Variants in PPM1E observed in about 807,000 individuals in gnomAD.
PPM1E encodes protein phosphatase 1E.
Under a neutral mutation model 65.9 loss-of-function variants are expected in PPM1E, and 20 were observed. The ratio of observed to expected loss-of-function variants is 0.30; its 90% CI spans 0.21 to 0.44. The LOEUF (loss-of-function observed/expected upper bound fraction) is 0.44. PPM1E is among the 20% of genes least tolerant of loss of function. The probability of loss-of-function intolerance (pLI) is 1.00; values close to 1 mark genes in which losing one functional copy is unlikely to be tolerated. For synonymous variants in PPM1E, 352 were observed against 374.9 expected (o/e 0.94, Z 0.70); for missense variants, 713 against 953.1 (o/e 0.75, Z 3.32).
At chr17:58,942,868 A>T (rs1297935880) in intron 1 of PPM1E, among the ~76,000 whole-genome samples, 1 of 152,012 alleles carries the variant, frequency 6.6e-6, no homozygotes, top group African/African-American at 2.4e-5. Context: ...TCTTAAAAAG[A>T]TACTCAATTC....
At chr17:58,924,333 G>A (rs930270844) in intron 1 of PPM1E, among the ~76,000 whole-genome samples, 3 of 152,044 alleles carry the variant, frequency 2.0e-5, no homozygotes, top group African/African-American at 7.2e-5. Context: ...GGAAAAATTA[G>A]GTATACCAAA....
chr17:58,905,018 C>G (rs1429710207), intron 1 of PPM1E, among the ~76,000 whole-genome samples: 1 of 151,028 alleles, frequency 6.6e-6, no homozygotes, highest in Non-Finnish European at 1.5e-5. Context: ...GAGTGAAACT[C>G]CATCTCAAAA....
At chr17:58,955,473 C>A in intron 1 of PPM1E, 176 bp from the exon 2 acceptor site, 1 of 698,500 alleles carries the variant, frequency 1.4e-6, no homozygotes, top group Non-Finnish European at 2.5e-6. Flanking sequence ...CTGTGTTATG[C>A]ATCAATATAT....
chr17:58,772,907 G>A (rs946645367), intron 1 of PPM1E, among the ~76,000 whole-genome samples: 4 of 151,610 alleles, frequency 2.6e-5, no homozygotes, highest in Non-Finnish European at 4.4e-5. Flanking sequence ...AAAATCTTCC[G>A]CCCTGTAGTT....
chr17:58,915,956 A>G (rs941637464), intron 1 of PPM1E, among the ~76,000 whole-genome samples: 4 of 152,166 alleles, frequency 2.6e-5, no homozygotes, highest in African/African-American at 9.7e-5. Flanking sequence ...ATCTTTACCT[A>G]TGTCTACTAT....
chr17:58,862,405 C>T (rs2050951888), intron 1 of PPM1E, among the ~76,000 whole-genome samples: 1 of 151,974 alleles, frequency 6.6e-6, no homozygotes, highest in Admixed American at 6.6e-5. Context: ...GATGAGTACC[C>T]CTGTTGCTAT....
At chr17:58,955,804 A>G (rs371608751) in intron 2 of PPM1E, 37 bp downstream of exon 2, 17 of 1,553,950 alleles carry the variant, frequency 1.1e-5, no homozygotes, top group Non-Finnish European at 1.5e-5. Flanking sequence ...TAAAAATACT[A>G]GAATCTTCTA....
At chr17:58,904,142 A>G (rs2051528163) in intron 1 of PPM1E, among the ~76,000 whole-genome samples, 1 of 152,192 alleles carries the variant, frequency 6.6e-6, no homozygotes, top group Non-Finnish European at 1.5e-5. Flanking sequence ...TAATTATGAC[A>G]TAATAAATAA....
At chr17:58,828,389 C>T (rs990403646) in intron 1 of PPM1E, among the ~76,000 whole-genome samples, 1 of 152,122 alleles carries the variant, frequency 6.6e-6, no homozygotes, top group Non-Finnish European at 1.5e-5. Context: ...CTTTTTCTCT[C>T]TCTTCCTCTC....
chr17:58,911,508 C>A (rs1341847707), intron 1 of PPM1E, among the ~76,000 whole-genome samples: 1 of 152,060 alleles, frequency 6.6e-6, no homozygotes, highest in East Asian at 1.9e-4. Context: ...ATCATGATTT[C>A]AAAGGGTCAG....
chr17:58,936,149 G>C (rs1354297743), intron 1 of PPM1E, among the ~76,000 whole-genome samples: 4 of 151,994 alleles, frequency 2.6e-5, no homozygotes, highest in African/African-American at 9.7e-5. Context: ...TTGACTCCAC[G>C]TGGCATTCCT....
chr17:58,946,657 A>T (rs1361145077), intron 1 of PPM1E, among the ~76,000 whole-genome samples: 2 of 152,150 alleles, frequency 1.3e-5, no homozygotes, highest in African/African-American at 4.8e-5. Flanking sequence ...GGTCTTGTTA[A>T]GTTGCCCAGG....
At chr17:58,847,947 T>C (rs900160571) in intron 1 of PPM1E, among the ~76,000 whole-genome samples, 17 of 152,342 alleles carry the variant, frequency 1.1e-4, no homozygotes, top group Middle Eastern at 3.4e-3. Flanking sequence ...CTTATTTCAT[T>C]GAGCAGTGGT....
intron 1 of PPM1E, among the ~76,000 whole-genome samples, chr17:58,844,672 A>G (rs922592455): frequency 1.3e-5 from 2 of 152,214 alleles, no homozygotes; most frequent in African/African-American, 2.4e-5. Flanking sequence ...GTGTTAATGG[A>G]ATTTATTTCA....
At chr17:58,797,208 A>T (rs1440762727) in intron 1 of PPM1E, among the ~76,000 whole-genome samples, 1 of 152,218 alleles carries the variant, frequency 6.6e-6, no homozygotes, top group Non-Finnish European at 1.5e-5. Context: ...CCAACAAGTC[A>T]TTGATTACTT....
intron 1 of PPM1E, among the ~76,000 whole-genome samples, chr17:58,905,218 A>G (rs1196617945): frequency 2.0e-5 from 3 of 152,098 alleles, no homozygotes; most frequent in Non-Finnish European, 4.4e-5. Flanking sequence ...GTCTTATTGC[A>G]TTAACTAGGA....
chr17:58,831,759 T>C (rs2050608420), intron 1 of PPM1E, among the ~76,000 whole-genome samples: 1 of 152,192 alleles, frequency 6.6e-6, no homozygotes, highest in Admixed American at 6.5e-5. Context: ...TATGTTAAGG[T>C]TGCTACTCCT....
In PPM1E at chr17:58,908,918, C is replaced by T. The variant is rs1428631483; in HGVS notation, c.465-46731C>T. ...GTATCATTGCTGTTATTTATTTTAC[C>T]TATATATAAACATATTCTTAAGCAT... On this transcript the variant is annotated intron_variant, in intron 1 of 6. Transcript: ENST00000308249. 1.3e-5 allele frequency among the ~76,000 whole-genome samples: 2 copies of T among 151,960 alleles called. 1 individual carries two copies. The highest frequency in any genetic ancestry group is 2.9e-5 in the Non-Finnish European group (2 of 67,990).
At chr17:58,833,034 C>G (rs1305275187) in intron 1 of PPM1E, among the ~76,000 whole-genome samples, 1 of 151,862 alleles carries the variant, frequency 6.6e-6, no homozygotes, top group African/African-American at 2.4e-5. Flanking sequence ...CCATGTTGGT[C>G]AGGCTGATCT....
Sources: gnomAD v4.1 joint callset for allele counts (sites outside exome capture counted in the v4.1 genomes callset) on GRCh38, gnomAD v4.1.1 for gene constraint, MANE v1.5 for transcripts, NCBI Gene and HGNC (gene_info 2026-07-23, HGNC 2026-07-21) for gene names.